OXCT1: variants seen among roughly 807,000 people sequenced by gnomAD.
The protein encoded by OXCT1 is succinyl-CoA:3-ketoacid coenzyme A transferase 1, mitochondrial.
In OXCT1, 27 loss-of-function variants were observed where a neutral mutation model predicts 69.6. The observed-to-expected ratio is 0.39, with a 90% CI of 0.29 to 0.54. The LOEUF (loss-of-function observed/expected upper bound fraction) is 0.54, where lower values mean the gene tolerates loss of function less well. Ranked by LOEUF, OXCT1 falls within the 20% of genes least tolerant of loss-of-function variation. OXCT1 has a pLI of 0.72. For synonymous variants in OXCT1, 202 were observed against 217.8 expected (o/e 0.93, Z 0.64); for missense variants, 437 against 650.2 (o/e 0.67, Z 3.57).
chr5:41,861,140 A>G (rs1749713014), intron 3 of OXCT1, among the ~76,000 whole-genome samples, 174 bp downstream of exon 3: 1 of 152,144 alleles, frequency 6.6e-6, no homozygotes. Context: ...GATGGTACCA[A>G]AAACATTTGG....
chr5:41,745,832 C>G (rs993387039), intron 15 of OXCT1, among the ~76,000 whole-genome samples: 9 of 152,146 alleles, frequency 5.9e-5, no homozygotes, highest in Non-Finnish European at 1.0e-4. Flanking sequence ...CACATACACC[C>G]TCCCAAGACT....
Position 41,833,145 on chromosome 5 carries a change from C to T in OXCT1, c.732+7306G>A, listed in dbSNP as rs550444826. 4.6e-5 allele frequency among the ~76,000 whole-genome samples: 7 copies of T among 152,202 alleles called. No individual in the cohort carries two copies. In the South Asian group the frequency reaches 1.5e-3, roughly 32 times the overall value. ...CTAGAGAAAGATAAACATTCAAGTA[C>T]AAGAAGGTTATAGAACACCAAGCAA... On this transcript the variant is annotated intron_variant, in intron 7 of 16. Coordinates refer to ENST00000196371, the MANE Select transcript of OXCT1 (RefSeq NM_000436.4).
chr5:41,816,709 G>C (rs139727964), intron 7 of OXCT1, among the ~76,000 whole-genome samples: 1 of 152,020 alleles, frequency 6.6e-6, no homozygotes, highest in Non-Finnish European at 1.5e-5. Flanking sequence ...CAGCACTAGA[G>C]ATAAGACCCC....
At chr5:41,858,434 A>G (rs1039303761) in intron 3 of OXCT1, among the ~76,000 whole-genome samples, 1 of 152,222 alleles carries the variant, frequency 6.6e-6, no homozygotes, top group African/African-American at 2.4e-5. Flanking sequence ...GCTCTTTAAT[A>G]CTAAAGACAA....
intron 13 of OXCT1, among the ~76,000 whole-genome samples, chr5:41,769,312 G>T (rs1448725409): frequency 6.6e-6 from 1 of 151,978 alleles, no homozygotes; most frequent in African/African-American, 2.4e-5. Flanking sequence ...ACAATAGGGA[G>T]CCTCCAAGAC....
At chr5:41,869,936 G>C (rs1750203120) in intron 1 of OXCT1, 1 of 387,860 alleles carries the variant, frequency 2.6e-6, no homozygotes, top group East Asian at 6.0e-5. Flanking sequence ...CAGACCCTCA[G>C]AGTCCCTATC....
chr5:41,744,593 C>A (rs1343016758), intron 15 of OXCT1, among the ~76,000 whole-genome samples: 1 of 152,104 alleles, frequency 6.6e-6, no homozygotes, highest in Non-Finnish European at 1.5e-5. Context: ...ATGATATTGG[C>A]TGTGGGTTTG....
chr5:41,821,573 A>G (rs2112332333), intron 7 of OXCT1, among the ~76,000 whole-genome samples: 1 of 152,360 alleles, frequency 6.6e-6, no homozygotes, highest in East Asian at 1.9e-4. Flanking sequence ...CTCACCAGCA[A>G]TGATTGAGTG....
intron 3 of OXCT1, among the ~76,000 whole-genome samples, chr5:41,858,430 T>C (rs1008806056): frequency 6.6e-6 from 1 of 152,186 alleles, no homozygotes; most frequent in Non-Finnish European, 1.5e-5. Flanking sequence ...TATAGCTCTT[T>C]AATACTAAAG....
intron 7 of OXCT1, among the ~76,000 whole-genome samples, chr5:41,832,108 A>G (rs1748125265): frequency 6.6e-6 from 1 of 152,244 alleles, no homozygotes; most frequent in Admixed American, 6.5e-5. Context: ...GGGAACTCAC[A>G]GCACTGAAGG....
At chr5:41,766,345 G>A (rs918024373) in intron 13 of OXCT1, among the ~76,000 whole-genome samples, 3 of 151,928 alleles carry the variant, frequency 2.0e-5, no homozygotes, top group Non-Finnish European at 4.4e-5. Context: ...TATTTACTCA[G>A]AATCTATTAT....
At chr5:41,786,421 A>C (rs558324980) in intron 13 of OXCT1, among the ~76,000 whole-genome samples, 134 of 152,246 alleles carry the variant, frequency 8.8e-4, no homozygotes, top group African/African-American at 3.0e-3. Flanking sequence ...CTGGAAGAGG[A>C]GGGGAGTAGA....
intron 12 of OXCT1, chr5:41,794,288 C>T: frequency 1.6e-6 from 1 of 615,596 alleles, no homozygotes; most frequent in Non-Finnish European, 2.9e-6. Flanking sequence ...TACATTGTTT[C>T]AATAACAAAC....
intron 13 of OXCT1, among the ~76,000 whole-genome samples, chr5:41,780,569 A>T (rs999027494): frequency 1.3e-5 from 2 of 151,564 alleles, no homozygotes; most frequent in South Asian, 4.1e-4. Flanking sequence ...TTCAGATAAG[A>T]GAATTGTGTA....
At chr5:41,827,566 T>C (rs1747866911) in intron 7 of OXCT1, among the ~76,000 whole-genome samples, 1 of 152,228 alleles carries the variant, frequency 6.6e-6, no homozygotes, top group Non-Finnish European at 1.5e-5. Flanking sequence ...TGTGAAGTTC[T>C]GAACACTGTT....
intron 4 of OXCT1, among the ~76,000 whole-genome samples, chr5:41,851,715 TAA>T (rs577867476): frequency 6.9e-6 from 1 of 144,906 alleles, no homozygotes; most frequent in Non-Finnish European, 1.5e-5. Context: ...GGAAAAACTG[TAA>T]AAAAAAAAAT....
intron 13 of OXCT1, among the ~76,000 whole-genome samples, chr5:41,791,494 G>A (rs1745915025): frequency 6.6e-6 from 1 of 152,120 alleles, no homozygotes. Flanking sequence ...AATATGGTAC[G>A]CATTGGAAAA....
At chr5:41,810,124 G>C (rs1746895423) in intron 7 of OXCT1, among the ~76,000 whole-genome samples, 1 of 151,944 alleles carries the variant, frequency 6.6e-6, no homozygotes, top group South Asian at 2.1e-4. Flanking sequence ...CTTAATGCTA[G>C]CTATTGAAGG....
Position 41,803,101 on chromosome 5 carries a change from G to T in OXCT1, c.1018C>A (p.His340Asn). ...SNFISPNITV[H>N]LQSENGVLGL... ...AGAACTCCATTTTCACTTTGAAGAT[G>T]AACAGTTATATTTGGGCTGATAAAA... The change falls in exon 10 of 17, where the codon CAT (histidine) becomes AAT (asparagine). Residue 340 changes from histidine (H) to asparagine (N), a missense_variant. Around this residue, in one of 4 missense-constraint regions of OXCT1, gnomAD observed 252 missense variants for 397.4 expected, o/e 0.63. Transcript: ENST00000196371. 1 of 1,611,842 alleles carries T rather than the reference G, an allele frequency of 6.2e-7. No individual in the cohort carries two copies. Among genetic ancestry groups the T allele is most frequent in the East Asian group, 2.2e-5 (1 of 44,766 alleles).
Sources: allele counts gnomAD v4.1 joint callset (sites outside exome capture counted in the v4.1 genomes callset), GRCh38; gene constraint gnomAD v4.1.1; regional missense constraint gnomAD v4.1.1; transcripts MANE v1.5; gene names NCBI Gene and HGNC (gene_info 2026-07-23, HGNC 2026-07-21).